Variants in CINP observed in about 807,000 individuals in gnomAD.
CINP encodes the protein cyclin dependent kinase 2 interacting protein.
CINP carries 11 observed loss-of-function variants against 20.5 expected under a neutral mutation model. That is an observed-to-expected ratio of 0.54 (90% CI 0.34 to 0.89). The LOEUF (loss-of-function observed/expected upper bound fraction) is 0.89. CINP is among the 40% of genes least tolerant of loss of function. The pLI is 0.02. For missense variants in CINP, 213 were observed against 251.0 expected, an observed-to-expected ratio of 0.85 and a Z score of 1.02; for synonymous variants, 108 against 102.1, an observed-to-expected ratio of 1.06 and a Z score of -0.35.
intron 1 of CINP, among the ~76,000 whole-genome samples, chr14:102,360,342 C>A (rs1446884013): frequency 6.6e-6 from 1 of 151,984 alleles, no homozygotes; most frequent in East Asian, 1.9e-4. Context: ...TAGGAAGCAA[C>A]CCCCAGACCA....
chr14:102,354,763 A>AAAAAAC (rs779996986), intron 3 of CINP, among the ~76,000 whole-genome samples: 9 of 151,616 alleles, frequency 5.9e-5, no homozygotes, highest in African/African-American at 1.9e-4. Flanking sequence ...CCTGTCTCAA[A>AAAAAAC]AAAAACAAAA....
intron 3 of CINP, 138 bp from the exon 4 acceptor site, chr14:102,350,186 C>T (rs778472922): frequency 1.7e-5 from 12 of 691,982 alleles, no homozygotes; most frequent in South Asian, 6.0e-5. Context: ...GTTAACTCTA[C>T]GTACAGCAAA....
chr14:102,348,581 C>T lies in CINP; in HGVS notation c.615G>A (p.Leu205=). The T allele has an allele frequency of 1.9e-6, 3 of 1,612,322 alleles. No homozygotes were observed. Among genetic ancestry groups the T allele is most frequent in the Non-Finnish European group, 1.7e-6 (2 of 1,179,556 alleles). ...GTCAGAGAGCTCGGTGGCCTGTCTC[C>T]AGCAGCATGCTCTCCAGATGCAGCC... is the stretch of plus-strand genomic sequence containing the variant. ...DSRLHLESML[L]ETGHRAL Residue 205 remains leucine, a synonymous_variant, in exon 5 of 5, where the codon CTG becomes CTA. Transcript: ENST00000216756.
At position 102,348,695 on chromosome 14, in the gene CINP, G is replaced by A. The variant is rs1471307427; in HGVS notation, c.501C>T (p.Ala167=). Residue 167 remains alanine, a synonymous_variant, in exon 5 of 5, where the codon GCC becomes GCT. Transcript: ENST00000216756. ...GATCCCCGGTGTGGGCAAGCTCCTT[G>A]GCCACCGTGCGCTTCAGGAGCAGCT... ...RKELLLKRTV[A]KELAHTGDPD... is the part of the protein sequence containing the mutation. The A allele has an allele frequency of 2.5e-6, 4 of 1,613,950 alleles. No individual in the cohort carries two copies. Among genetic ancestry groups the A allele is most frequent in the Non-Finnish European group, 3.4e-6 (4 of 1,179,924 alleles).
In CINP at chr14:102,362,794, C is replaced by G. The variant is rs1295905380; in HGVS notation, c.7+51G>C. 4.3e-6 allele frequency: 7 copies of G among 1,611,614 alleles called. No individual in the cohort carries two copies. The Admixed American group carries it at 1.2e-4, about 27-fold the overall frequency. ...CTTCTGGTCCAACCTGCGGCCTAAG[C>G]AGTAACATTCACAGCCACCCCACCC... is the stretch of plus-strand genomic sequence containing the variant. On this transcript the variant is annotated intron_variant, in intron 1 of 4. Coordinates refer to ENST00000216756, the MANE Select transcript of CINP (RefSeq NM_032630.3).
rs763996729 is a variant in CINP, at chr14:102,362,832, C to T, written c.7+13G>A. On this transcript the variant is annotated intron_variant, in intron 1 of 4. Transcript: ENST00000216756. ...AGCCACCCCACCCCGGGAAAGGAACCGATCTCACGCACCTTCCATAAGGTC... is the reference window on the plus strand; with the variant it reads ...AGCCACCCCACCCCGGGAAAGGAACTGATCTCACGCACCTTCCATAAGGTC... The T allele has an allele frequency of 3.7e-6, 6 of 1,614,104 alleles. No individual in the cohort carries two copies. In the South Asian group the frequency reaches 5.5e-5, roughly 15 times the overall value.
rs1336464035 is a variant in CINP, at chr14:102,352,292, A to G, written c.307-2244T>C. On this transcript the variant is annotated intron_variant, in intron 3 of 4. Coordinates refer to ENST00000216756, the MANE Select transcript of CINP (RefSeq NM_032630.3). ...AAGCTGATAACAGGAGACTAAGGAA[A>G]ATTCTGGAGCCTTGACCCCAGGCAA... The G allele has an allele frequency of 2.3e-5, 6 of 256,650 alleles. No individual in the cohort carries two copies. In the East Asian group the frequency reaches 7.0e-4, roughly 30 times the overall value. The allele number at this position is 256,650 out of a possible 1,614,324, so 15.9% of individuals were successfully genotyped here.
At chr14:102,358,793 T>C (rs1405550064) in intron 2 of CINP, among the ~76,000 whole-genome samples, 1 of 152,242 alleles carries the variant, frequency 6.6e-6, no homozygotes, top group East Asian at 1.9e-4. Flanking sequence ...ATGGTAGTTT[T>C]TTCCATATCA....
At chr14:102,357,905 A>C (rs556431597) in intron 2 of CINP, among the ~76,000 whole-genome samples, 1 of 152,370 alleles carries the variant, frequency 6.6e-6, no homozygotes, top group Admixed American at 6.5e-5. Flanking sequence ...GACATTCACA[A>C]CTACAGAGAA....
At chr14:102,349,848 G>C in intron 4 of CINP, 71 bp downstream of exon 4, 1 of 1,542,896 alleles carries the variant, frequency 6.5e-7, no homozygotes, top group Non-Finnish European at 8.9e-7. Context: ...TAAAGTACCA[G>C]ATGTAAACGA....
chr14:102,350,768 T>C (rs1886849477), intron 3 of CINP, among the ~76,000 whole-genome samples: 1 of 151,758 alleles, frequency 6.6e-6, no homozygotes, highest in Non-Finnish European at 1.5e-5. Flanking sequence ...TCTCTGTCTC[T>C]CTATCAAATG....
intron 4 of CINP, among the ~76,000 whole-genome samples, chr14:102,349,619 C>G (rs1280075843): frequency 1.3e-5 from 2 of 152,112 alleles, no homozygotes; most frequent in East Asian, 3.9e-4. Flanking sequence ...TCCTTTCCCC[C>G]CCTCAAAATG....
intron 3 of CINP, among the ~76,000 whole-genome samples, chr14:102,350,262 C>T (rs1886837657): frequency 6.6e-6 from 1 of 152,160 alleles, no homozygotes; most frequent in Non-Finnish European, 1.5e-5. Context: ...TGGTAATAAA[C>T]CCCAGATTTC....
chr14:102,360,047 T>C (rs370746775), intron 1 of CINP, among the ~76,000 whole-genome samples: 1 of 152,280 alleles, frequency 6.6e-6, no homozygotes, highest in Non-Finnish European at 1.5e-5. Flanking sequence ...TTCAAGACAC[T>C]GAGACAACAG....
intron 4 of CINP, among the ~76,000 whole-genome samples, chr14:102,349,618 C>G (rs1193575078): frequency 2.0e-5 from 3 of 152,108 alleles, no homozygotes; most frequent in African/African-American, 7.2e-5. Flanking sequence ...TTCCTTTCCC[C>G]CCCTCAAAAT....
intron 2 of CINP, 38 bp from the exon 3 acceptor site, chr14:102,355,935 C>T (rs1188269385): frequency 1.3e-6 from 2 of 1,599,850 alleles, no homozygotes; most frequent in Admixed American, 1.7e-5. Context: ...AAAATATACT[C>T]TTTAAGCTTG....
chr14:102,359,704 CAAAT>C, intron 1 of CINP, 117 bp from the exon 2 acceptor site: 1 of 634,564 alleles, frequency 1.6e-6, no homozygotes, highest in South Asian at 2.9e-5. Flanking sequence ...ATCAACTGGA[CAAAT>C]AAATGTGGAA....
Position 102,348,700 on chromosome 14 carries a change from C to G in CINP, c.496G>C (p.Val166Leu), listed in dbSNP as rs764122628. 6.2e-7 allele frequency: 1 copy of G among 1,613,944 alleles called. No homozygotes were observed. Among genetic ancestry groups the G allele is most frequent in the South Asian group, 1.1e-5 (1 of 90,994 alleles). The change falls in exon 5 of 5, where the codon GTG becomes CTG. Residue 166 changes from valine to leucine, a missense_variant. Coordinates refer to ENST00000216756, the MANE Select transcript of CINP (RefSeq NM_032630.3). ...CCGGTGTGGGCAAGCTCCTTGGCCA[C>G]CGTGCGCTTCAGGAGCAGCTCCTTC... ...YRKELLLKRT[V>L]AKELAHTGDP... is the part of the protein sequence containing the mutation.
chr14:102,348,967 T>C (rs936828517), intron 4 of CINP, among the ~76,000 whole-genome samples: 13 of 152,140 alleles, frequency 8.5e-5, no homozygotes, highest in Admixed American at 2.0e-4. Context: ...AAAAAGTGTA[T>C]ACAAGCCGGG....
Sources: gnomAD v4.1 joint callset for allele counts (sites outside exome capture counted in the v4.1 genomes callset) on GRCh38, gnomAD v4.1.1 for gene constraint, MANE v1.5 for transcripts, NCBI Gene and HGNC (gene_info 2026-07-23, HGNC 2026-07-21) for gene names.